The following PHKA2 variants were observed in gnomAD, a reference collection of about 807,000 sequenced individuals.
PHKA2 encodes the protein phosphorylase b kinase regulatory subunit alpha, liver isoform.
In PHKA2, 31 loss-of-function variants were observed where a neutral mutation model predicts 102.0. The observed-to-expected ratio is 0.30, with a 90% CI of 0.23 to 0.41. The LOEUF (loss-of-function observed/expected upper bound fraction) is 0.41. PHKA2 is among the 10% of genes least tolerant of loss of function. The pLI is 1.00. For missense variants in PHKA2, 858 were observed against 1,023.1 expected, an observed-to-expected ratio of 0.84 and a Z score of 2.20; for synonymous variants, 455 against 416.2, an observed-to-expected ratio of 1.09 and a Z score of -1.13.
chrX:18,930,342 T>C (rs1169820029), intron 12 of PHKA2, among the ~76,000 whole-genome samples: 1 of 111,285 alleles, frequency 9.0e-6, no homozygotes, highest in Admixed American at 9.5e-5. Flanking sequence ...CCCCACTCCC[T>C]TGCAAAGTAT....
At chrX:18,971,618 A>G (rs2049020631) in intron 1 of PHKA2, among the ~76,000 whole-genome samples, 1 of 112,470 alleles carries the variant, frequency 8.9e-6, no homozygotes, top group Non-Finnish European at 1.9e-5. Context: ...TAAGATGGAA[A>G]CCTGAATCCA....
intron 5 of PHKA2, 39 bp from the exon 6 acceptor site, chrX:18,945,197 G>A (rs923439836): frequency 2.2e-6 from 2 of 890,162 alleles, no homozygotes; most frequent in African/African-American, 1.9e-5. Context: ...GGGAGAAAGA[G>A]GTATATAAGA....
Position 18,897,062 on chromosome X carries a change from ATCC to A in PHKA2, c.3282+98_3282+100del, listed in dbSNP as rs1019587927. ...CCAACAGCGCTGAGGCAGAGAAGCC[ATCC>A]TCAGGGCTGTGTGTTTGCTCGCCTG... On this transcript the variant is annotated intron_variant, in intron 30 of 32. Transcript: ENST00000379942. 1.7e-5 allele frequency: 16 copies of A among 962,295 alleles called. No homozygotes were observed. In the African/African-American group the frequency reaches 2.3e-4, roughly 14 times the overall value. The allele number at this position is 962,295 out of a possible 1,213,427, so 79.3% of individuals were successfully genotyped here. A position where few individuals can be genotyped will look rare whatever the true frequency, so the allele number is the denominator to read the frequency against.
chrX:18,983,259 T>C (rs373386949), intron 1 of PHKA2, among the ~76,000 whole-genome samples: 13 of 112,913 alleles, frequency 1.2e-4, no homozygotes, highest in African/African-American at 4.2e-4. Context: ...GGCAAATTCA[T>C]ACCTCGGACC....
intron 1 of PHKA2, among the ~76,000 whole-genome samples, chrX:18,955,480 T>C (rs1193706623): frequency 1.8e-5 from 2 of 109,130 alleles, no homozygotes; most frequent in African/African-American, 3.3e-5. Context: ...ACAGCTTAAA[T>C]AGGTGAATTG....
chrX:18,908,328 C>T, intron 21 of PHKA2, among the ~76,000 whole-genome samples: 1 of 112,552 alleles, frequency 8.9e-6, no homozygotes, highest in Admixed American at 9.4e-5. Flanking sequence ...TCCTGGTGAT[C>T]CTGGGTAACT....
At chrX:18,938,565 T>C (rs2048431935) in intron 10 of PHKA2, 62 bp downstream of exon 10, 4 of 1,079,328 alleles carry the variant, frequency 3.7e-6, no homozygotes, top group Non-Finnish European at 5.2e-6. Context: ...TATGTTCTAA[T>C]AATAATCAGT....
chrX:18,979,603 T>C (rs1367040343), intron 1 of PHKA2, among the ~76,000 whole-genome samples: 2 of 111,873 alleles, frequency 1.8e-5, no homozygotes, highest in Non-Finnish European at 3.8e-5. Flanking sequence ...TCCTAGAGTA[T>C]ATATATTTAC....
intron 1 of PHKA2, among the ~76,000 whole-genome samples, chrX:18,962,250 T>C (rs2048881101): frequency 9.0e-6 from 1 of 111,332 alleles, no homozygotes; most frequent in Admixed American, 9.6e-5. Flanking sequence ...TAACATACAC[T>C]GCTCCTTTGT....
intron 5 of PHKA2, among the ~76,000 whole-genome samples, chrX:18,947,482 G>A (rs765209189): frequency 1.8e-5 from 2 of 112,277 alleles, no homozygotes; most frequent in African/African-American, 6.5e-5. Flanking sequence ...TCTACCTGTG[G>A]CCTGGTTGGG....
At chrX:18,926,382 C>G in intron 14 of PHKA2, 71 bp downstream of exon 14, 2 of 843,696 alleles carry the variant, frequency 2.4e-6, no homozygotes, top group South Asian at 4.0e-5. Context: ...ATCACAGTCT[C>G]CCTCAGACCC....
rs370068133 is a variant in PHKA2, at chrX:18,916,736, G to C, written c.2137+1945C>G. On this transcript the variant is annotated intron_variant, in intron 19 of 32. Transcript: ENST00000379942. The stretch of plus-strand genomic sequence containing the variant: ...TCCGTCATGACTGGAAGCTTCCTGA[G>C]GCCTCCCTAGAAGCCAAGTAGATGC... Among the ~76,000 whole-genome samples the C allele has an allele frequency of 1.1e-4, 12 of 111,848 alleles. No individual in the cohort carries two copies. The East Asian group carries it at 2.5e-3, about 24-fold the overall frequency.
intron 10 of PHKA2, 79 bp from the exon 11 acceptor site, chrX:18,936,229 A>G (rs2048392967): frequency 1.5e-6 from 1 of 661,631 alleles, no homozygotes; most frequent in Non-Finnish European, 2.4e-6. Flanking sequence ...CATAGAAAAA[A>G]AGCTCTCATG....
chrX:18,974,028 T>G (rs186392308), intron 1 of PHKA2, among the ~76,000 whole-genome samples: 415 of 111,141 alleles, frequency 3.7e-3, no homozygotes, highest in Non-Finnish European at 5.0e-3. Context: ...AAAGGGAACA[T>G]GGTGCTGGTG....
intron 3 of PHKA2, among the ~76,000 whole-genome samples, chrX:18,951,670 T>C (rs2048690547): frequency 8.9e-6 from 1 of 112,025 alleles, no homozygotes; most frequent in Admixed American, 9.4e-5. Flanking sequence ...AGAGCAACTA[T>C]GTCTTTTCTT....
intron 8 of PHKA2, among the ~76,000 whole-genome samples, 171 bp downstream of exon 8, chrX:18,941,358 C>T (rs2048486080): frequency 9.0e-6 from 1 of 111,544 alleles, no homozygotes; most frequent in African/African-American, 3.3e-5. Context: ...GAGAACCAAG[C>T]CACTAAATCA....
Position 18,893,633 on chromosome X carries a change from G to A in PHKA2, c.3560C>T (p.Thr1187Ile). The A allele has an allele frequency of 1.7e-6, 2 of 1,211,505 alleles. No homozygotes were observed. Among genetic ancestry groups the A allele is most frequent in the Non-Finnish European group, 2.2e-6 (2 of 894,974 alleles). The change falls in exon 33 of 33, where the codon ACC becomes ATC. Residue 1187 changes from threonine to isoleucine, a missense_variant. Transcript: ENST00000379942. ...QDQVSIGAMD[T>I]LEKDQATGIC... is the part of the protein sequence containing the mutation. Reference sequence around the variant, plus strand: ...TCCTGTGGCTTGGTCTTTCTCCAGGGTGTCCATGGCACCAATTGACACCTG... The same window carrying A: ...TCCTGTGGCTTGGTCTTTCTCCAGGATGTCCATGGCACCAATTGACACCTG...
intron 1 of PHKA2, among the ~76,000 whole-genome samples, chrX:18,983,608 C>A (rs987450218): frequency 5.3e-5 from 6 of 112,243 alleles, no homozygotes; most frequent in Non-Finnish European, 9.4e-5. Flanking sequence ...ACGGAGGCGG[C>A]TCATTCTCAT....
intron 19 of PHKA2, among the ~76,000 whole-genome samples, chrX:18,913,855 A>G (rs992517336): frequency 2.0e-4 from 22 of 111,968 alleles, no homozygotes; most frequent in African/African-American, 7.1e-4. Context: ...CCACCTCCAC[A>G]GCTTGTCCCA....
Sources: gnomAD v4.1 joint callset for allele counts (sites outside exome capture counted in the v4.1 genomes callset) on GRCh38, gnomAD v4.1.1 for gene constraint, MANE v1.5 for transcripts, NCBI Gene and HGNC (gene_info 2026-07-23, HGNC 2026-07-21) for gene names.